Variants in CDH13 observed in about 807,000 individuals in gnomAD.
CDH13 encodes the protein cadherin-13.
CDH13 carries 24 observed loss-of-function variants against 63.8 expected under a neutral mutation model. The ratio of observed to expected loss-of-function variants is 0.38; its 90% confidence interval spans 0.27 to 0.53. The LOEUF (loss-of-function observed/expected upper bound fraction) is 0.53, where lower values mean the gene tolerates loss of function less well. Among genes scored for constraint, CDH13 ranks in the 20% least tolerant of loss-of-function variants. CDH13 has a pLI of 0.85. For missense variants in CDH13, 1,049 were observed against 903.1 expected, an observed-to-expected ratio of 1.16 and a Z score of -2.07; for synonymous variants, 503 against 355.3, an observed-to-expected ratio of 1.42 and a Z score of -4.67.
In CDH13 at chr16:82,644,434, C is replaced by T. The variant is rs769473371; in HGVS notation, c.45+17297C>T. ...GAACGTACTCCTGTCTGCCCTCACT[C>T]GTGGGTTGATGATTTCTATCCTTTG... On this transcript the variant is annotated intron_variant, in intron 1 of 13. Transcript: ENST00000567109. This position sits in a 1 kb window ranked among gnomAD's most constrained non-coding sequence, Gnocchi z 5.7. Among the ~76,000 whole-genome samples the T allele has an allele frequency of 4.6e-5, 7 of 152,100 alleles. No individual in the cohort carries two copies.
chr16:82,839,071 C>T (rs939011267), intron 1 of CDH13, among the ~76,000 whole-genome samples: 2 of 152,202 alleles, frequency 1.3e-5, no homozygotes, highest in African/African-American at 4.8e-5. Flanking sequence ...CAAAAACTGA[C>T]AATAGGCTAA....
chr16:83,313,137 C>A (rs1324647856), intron 5 of CDH13, among the ~76,000 whole-genome samples: 1 of 152,170 alleles, frequency 6.6e-6, no homozygotes, highest in African/African-American at 2.4e-5. Flanking sequence ...CTGTTTTAAA[C>A]ACTTGTAAAA....
At chr16:83,267,094 A>C (rs1907714625) in intron 5 of CDH13, among the ~76,000 whole-genome samples, 3 of 152,162 alleles carry the variant, frequency 2.0e-5, no homozygotes, top group Non-Finnish European at 2.9e-5. Context: ...GGAGCTGGTG[A>C]AATCCTGAAG....
At chr16:83,239,542 A>AG (rs397773860) in intron 5 of CDH13, among the ~76,000 whole-genome samples, 1 of 149,808 alleles carries the variant, frequency 6.7e-6, no homozygotes, top group African/African-American at 2.5e-5. Context: ...TTTAACTGAA[A>AG]CCTTTCTCTA....
intron 6 of CDH13, among the ~76,000 whole-genome samples, chr16:83,427,860 T>C (rs2071960362): frequency 6.6e-6 from 1 of 152,218 alleles, no homozygotes; most frequent in African/African-American, 2.4e-5. Context: ...ATTACATTCC[T>C]GTGACTCCTT....
intron 2 of CDH13, among the ~76,000 whole-genome samples, chr16:82,979,453 G>C (rs1039830384): frequency 1.3e-5 from 2 of 152,088 alleles, no homozygotes; most frequent in Non-Finnish European, 2.9e-5. Flanking sequence ...AGGGACGTGG[G>C]GGGAGACGAC....
chr16:83,480,788 A>G (rs1187637618), intron 6 of CDH13, among the ~76,000 whole-genome samples: 2 of 152,160 alleles, frequency 1.3e-5, no homozygotes, highest in East Asian at 3.8e-4. Flanking sequence ...AAACTAAAGA[A>G]TCTTCAATGG....
chr16:83,072,932 G>T (rs2032545594), intron 3 of CDH13, among the ~76,000 whole-genome samples: 1 of 152,158 alleles, frequency 6.6e-6, no homozygotes, highest in Non-Finnish European at 1.5e-5. Context: ...ATATACATTA[G>T]AATGAAATGC....
intron 8 of CDH13, among the ~76,000 whole-genome samples, chr16:83,668,569 T>C (rs928339027): frequency 6.6e-6 from 1 of 152,172 alleles, no homozygotes; most frequent in African/African-American, 2.4e-5. Flanking sequence ...TGAGCTGACA[T>C]CCACTTTGAT....
chr16:83,107,361 T>G (rs927848948), intron 3 of CDH13, among the ~76,000 whole-genome samples: 3 of 152,172 alleles, frequency 2.0e-5, no homozygotes, highest in Non-Finnish European at 4.4e-5. Context: ...TCTCCTCAGC[T>G]AGTATAAATA....
intron 1 of CDH13, among the ~76,000 whole-genome samples, chr16:82,798,530 A>G (rs183315512): frequency 2.6e-5 from 4 of 152,288 alleles, no homozygotes; most frequent in African/African-American, 9.6e-5. Context: ...AAGGGATGAT[A>G]GTAGGGTGAG....
chr16:83,206,141 G>T (rs1410622671), intron 4 of CDH13, among the ~76,000 whole-genome samples: 1 of 152,114 alleles, frequency 6.6e-6, no homozygotes, highest in Non-Finnish European at 1.5e-5. Flanking sequence ...CCTCAACCAG[G>T]GGAGGAGGAC....
chr16:83,687,161 C>G (rs1904385003), intron 10 of CDH13, among the ~76,000 whole-genome samples: 1 of 151,974 alleles, frequency 6.6e-6, no homozygotes, highest in South Asian at 2.1e-4. Flanking sequence ...TGCAGTGAGC[C>G]AAGATCGTGC....
intron 2 of CDH13, among the ~76,000 whole-genome samples, chr16:82,923,479 G>C (rs1328281108): frequency 1.3e-5 from 2 of 152,202 alleles, no homozygotes; most frequent in Non-Finnish European, 2.9e-5. Flanking sequence ...ATCTCTAAAA[G>C]TTTTCAGGCA....
At chr16:82,791,613 T>G (rs1323043385) in intron 1 of CDH13, among the ~76,000 whole-genome samples, 1 of 152,214 alleles carries the variant, frequency 6.6e-6, no homozygotes, top group Non-Finnish European at 1.5e-5. Flanking sequence ...CACTGTTGTT[T>G]GCTGCCGTCG....
At chr16:82,761,688 A>C (rs2034863499) in intron 1 of CDH13, among the ~76,000 whole-genome samples, 1 of 152,196 alleles carries the variant, frequency 6.6e-6, no homozygotes, top group Non-Finnish European at 1.5e-5. Context: ...TCATATCTCA[A>C]CAACTTCCAC....
At chr16:83,190,489 C>G (rs182251348) in intron 4 of CDH13, among the ~76,000 whole-genome samples, 45 of 152,150 alleles carry the variant, frequency 3.0e-4, no homozygotes, top group Non-Finnish European at 5.9e-4. Flanking sequence ...TTTTCAGTTG[C>G]CACCATGTCT....
At chr16:83,698,535 CAT>C (rs1276566128) in intron 10 of CDH13, among the ~76,000 whole-genome samples, 1 of 152,226 alleles carries the variant, frequency 6.6e-6, no homozygotes, top group Non-Finnish European at 1.5e-5. Context: ...CGGCCAGGAG[CAT>C]CTGTTTTGTG....
At chr16:83,258,313 C>A (rs1028110507) in intron 5 of CDH13, among the ~76,000 whole-genome samples, 3 of 152,076 alleles carry the variant, frequency 2.0e-5, no homozygotes, top group Non-Finnish European at 2.9e-5. Flanking sequence ...ATTGCAGCAC[C>A]CTATTGGAAA....
Sources: gnomAD v4.1 joint callset for allele counts (sites outside exome capture counted in the v4.1 genomes callset) on GRCh38, gnomAD v4.1.1 for gene constraint, Gnocchi (gnomAD v3.1) non-coding constraint, MANE v1.5 for transcripts, NCBI Gene and HGNC (gene_info 2026-07-23, HGNC 2026-07-21) for gene names.